The following TNR variants were observed in gnomAD, a reference collection of about 807,000 sequenced individuals.
TNR encodes tenascin R.
A neutral mutation model predicts 150.4 loss-of-function variants in TNR; 45 were observed. That is an observed-to-expected ratio of 0.30 (90% CI 0.24 to 0.38). The LOEUF (loss-of-function observed/expected upper bound fraction) is 0.38. Ranked by LOEUF, TNR falls within the 10% of genes least tolerant of loss-of-function variation. The pLI, the probability that TNR is intolerant of heterozygous loss-of-function variation, is 1.00. For synonymous variants in TNR, 687 were observed against 678.4 expected, an observed-to-expected ratio of 1.01 and a Z score of -0.20; for missense variants, 1,544 against 1,759.1, an observed-to-expected ratio of 0.88 and a Z score of 2.19.
intron 1 of TNR, among the ~76,000 whole-genome samples, chr1:175,643,747 A>G (rs1318938834): frequency 6.6e-6 from 1 of 152,222 alleles, no homozygotes; most frequent in African/African-American, 2.4e-5. Context: ...TGCCAAATTC[A>G]ATACTCATAA....
intron 13 of TNR, among the ~76,000 whole-genome samples, chr1:175,363,243 GTCTGGGCCAGTTTCC>G (rs1332311613): frequency 6.6e-6 from 1 of 152,212 alleles, no homozygotes; most frequent in Non-Finnish European, 1.5e-5. Flanking sequence ...TGCAGGTGAG[GTCTGGGCCAGTTTCC>G]TCTGACTCAT....
intron 2 of TNR, among the ~76,000 whole-genome samples, chr1:175,465,497 T>G (rs80317545): frequency 0.014 from 2,180 of 152,248 alleles, 47 homozygotes; most frequent in African/African-American, 0.05. Flanking sequence ...CTTTCAGAAG[T>G]AAGAAGATGC....
chr1:175,566,787 A>G (rs1431630809), intron 1 of TNR, among the ~76,000 whole-genome samples: 3 of 152,172 alleles, frequency 2.0e-5, no homozygotes, highest in Non-Finnish European at 2.9e-5. Flanking sequence ...TCCCTCTGCA[A>G]TCTCCTACTC....
intron 4 of TNR, among the ~76,000 whole-genome samples, chr1:175,399,632 T>C (rs1431653672): frequency 6.6e-6 from 1 of 152,178 alleles, no homozygotes; most frequent in Non-Finnish European, 1.5e-5. Context: ...GAAAATTATA[T>C]TGAACTGTAC....
intron 1 of TNR, among the ~76,000 whole-genome samples, chr1:175,729,015 T>A (rs1192442223): frequency 1.3e-5 from 2 of 152,088 alleles, no homozygotes; most frequent in African/African-American, 4.8e-5. Flanking sequence ...GGAGAGGCAT[T>A]CAAAAGGAGA....
At chr1:175,657,710 A>G (rs1296310896) in intron 1 of TNR, among the ~76,000 whole-genome samples, 1 of 134,860 alleles carries the variant, frequency 7.4e-6, no homozygotes, top group Non-Finnish European at 1.6e-5. Flanking sequence ...CATAGGTGGG[A>G]ACTGAACAAT....
intron 2 of TNR, among the ~76,000 whole-genome samples, chr1:175,470,127 G>A (rs916033154): frequency 1.3e-5 from 2 of 152,082 alleles, no homozygotes; most frequent in East Asian, 1.9e-4. Flanking sequence ...AGTATTGGAC[G>A]GGTTGCATTT....
intron 2 of TNR, among the ~76,000 whole-genome samples, chr1:175,421,311 T>C (rs1380007560): frequency 1.7e-4 from 26 of 152,224 alleles, no homozygotes. Context: ...GATTCTTTCC[T>C]TGGAGTACTT....
intron 1 of TNR, among the ~76,000 whole-genome samples, chr1:175,595,756 G>A (rs989549446): frequency 1.4e-4 from 22 of 152,142 alleles, no homozygotes; most frequent in African/African-American, 3.1e-4. Context: ...GTTAAAAATC[G>A]TTAGCTAGTT....
chr1:175,688,380 G>A (rs1303263529), intron 1 of TNR, among the ~76,000 whole-genome samples: 6 of 152,248 alleles, frequency 3.9e-5, no homozygotes, highest in African/African-American at 1.4e-4. Context: ...TAACTGTGAT[G>A]AGGCTTGCTA....
At chr1:175,676,066 G>A (rs887988986) in intron 1 of TNR, among the ~76,000 whole-genome samples, 1 of 152,172 alleles carries the variant, frequency 6.6e-6, no homozygotes, top group African/African-American at 2.4e-5. Flanking sequence ...GAGTTTCTCT[G>A]TGTTGCAGCA....
At chr1:175,430,046 T>C (rs1370284339) in intron 2 of TNR, among the ~76,000 whole-genome samples, 3 of 149,822 alleles carry the variant, frequency 2.0e-5, no homozygotes, top group Non-Finnish European at 3.0e-5. Context: ...ATAATATATC[T>C]ATTATATAGA....
chr1:175,335,650 G>A (rs1432040453), intron 20 of TNR, 61 bp downstream of exon 20: 2 of 1,499,048 alleles, frequency 1.3e-6, no homozygotes, highest in African/African-American at 1.4e-5. Context: ...GACACAAAAA[G>A]GAGAGAGATG....
intron 1 of TNR, among the ~76,000 whole-genome samples, chr1:175,565,891 T>A (rs1661622559): frequency 6.6e-6 from 1 of 152,158 alleles, no homozygotes; most frequent in South Asian, 2.1e-4. Flanking sequence ...TGGGTGGGAA[T>A]GAAAGGCAGG....
intron 1 of TNR, among the ~76,000 whole-genome samples, chr1:175,719,189 T>A (rs973026683): frequency 4.6e-5 from 7 of 152,008 alleles, no homozygotes; most frequent in South Asian, 2.1e-4. Context: ...GGATATGGAG[T>A]ACCCCAAGCC....
At chr1:175,515,792 T>G (rs1183491792) in intron 2 of TNR, among the ~76,000 whole-genome samples, 1 of 152,036 alleles carries the variant, frequency 6.6e-6, no homozygotes, top group Non-Finnish European at 1.5e-5. Flanking sequence ...AATTTCAGAG[T>G]CTGAATGGGG....
intron 1 of TNR, among the ~76,000 whole-genome samples, chr1:175,557,994 T>C (rs1370515987): frequency 9.4e-6 from 1 of 105,832 alleles, no homozygotes; most frequent in African/African-American, 3.6e-5. Flanking sequence ...AAATTGGAAA[T>C]CATCATTCTC....
intron 1 of TNR, among the ~76,000 whole-genome samples, chr1:175,668,444 C>T (rs890207843): frequency 1.3e-5 from 2 of 152,140 alleles, no homozygotes; most frequent in African/African-American, 4.8e-5. Context: ...CTGGCATCCC[C>T]ACAGTAGGGA....
At chr1:175,392,958 A>C (rs1454817284) in intron 6 of TNR, among the ~76,000 whole-genome samples, 1 of 152,228 alleles carries the variant, frequency 6.6e-6, no homozygotes, top group Non-Finnish European at 1.5e-5. Context: ...CTTGTTAGCC[A>C]AAAATGTGTC....
Sources: gnomAD v4.1 joint callset for allele counts (sites outside exome capture counted in the v4.1 genomes callset) on GRCh38, gnomAD v4.1.1 for gene constraint, MANE v1.5 for transcripts, NCBI Gene and HGNC (gene_info 2026-07-23, HGNC 2026-07-21) for gene names.